Variants in SEPSECS observed in about 807,000 individuals in gnomAD.
The protein encoded by SEPSECS is Sep (O-phosphoserine) tRNA:Sec (selenocysteine) tRNA synthase.
Under a neutral mutation model 52.1 loss-of-function variants are expected in SEPSECS, and 42 were observed. The ratio of observed to expected loss-of-function variants is 0.81; its 90% CI spans 0.63 to 1.04. The LOEUF is 1.04. Among genes scored for constraint, SEPSECS ranks in the 50% least tolerant of loss-of-function variants. SEPSECS has a pLI of 0.00. For missense variants in SEPSECS, 590 were observed against 610.6 expected, an observed-to-expected ratio of 0.97 and a Z score of 0.36; for synonymous variants, 216 against 211.4, an observed-to-expected ratio of 1.02 and a Z score of -0.19.
At position 25,132,873 on chromosome 4, in the gene SEPSECS, G is replaced by A. The variant is rs765912671; in HGVS notation, c.1027-5516C>T. ...AGCAGTGACAAGAAAGTGGTAAGAC[G>A]GAAAGCGCACAGACTTTAGCATCAC... On this transcript the variant is annotated intron_variant, in intron 8 of 10. Coordinates refer to ENST00000382103, the MANE Select transcript of SEPSECS (RefSeq NM_016955.4). Among the ~76,000 whole-genome samples, 45 of 152,106 alleles carry A rather than the reference G, an allele frequency of 3.0e-4. 1 individual carries two copies. Among genetic ancestry groups the A allele is most frequent in the Non-Finnish European group, 4.6e-4 (31 of 68,012 alleles).
intron 5 of SEPSECS, 73 bp downstream of exon 5, chr4:25,154,925 A>C: frequency 7.1e-7 from 1 of 1,415,610 alleles, no homozygotes. Context: ...TTATTTAAGC[A>C]TATTTGAGAA....
Position 25,159,126 on chromosome 4 carries a change from CTT to C in SEPSECS, c.115-21_115-20del, listed in dbSNP as rs958422181. ...ACTTGCCCTTAAAAAAAAAAAAAAA[CTT>C]ATGATTATATTTAATAAAACTACCG... On this transcript the variant is annotated intron_variant, in intron 1 of 10. Coordinates refer to ENST00000382103, the MANE Select transcript of SEPSECS (RefSeq NM_016955.4). 2.6e-6 allele frequency: 3 copies of C among 1,167,568 alleles called. No homozygotes were observed. The highest frequency in any genetic ancestry group is 1.6e-5 in the African/African-American group (1 of 60,724). The allele number at this position is 1,167,568 out of a possible 1,614,324, so 72.3% of individuals were successfully genotyped here.
chr4:25,143,146 G>A (rs1288271667), intron 8 of SEPSECS, among the ~76,000 whole-genome samples: 2 of 152,178 alleles, frequency 1.3e-5, no homozygotes, highest in African/African-American at 4.8e-5. Context: ...ACAATTTGGA[G>A]TTTATAAAAC....
At chr4:25,124,375 A>G (rs1160530125) in intron 10 of SEPSECS, 150 bp from the exon 11 acceptor site, 1 of 702,086 alleles carries the variant, frequency 1.4e-6, no homozygotes, top group African/African-American at 1.8e-5. Flanking sequence ...AATAGACTGT[A>G]TCGACTTTAA....
rs1421257558 is a variant in SEPSECS at position 25,124,175 on chromosome 4, C to T, written c.1262G>A (p.Gly421Asp). 6.2e-7 allele frequency: 1 copy of T among 1,613,586 alleles called. No homozygotes were observed. Among genetic ancestry groups the T allele is most frequent in the African/African-American group, 1.3e-5 (1 of 74,986 alleles). The change falls in exon 11 of 11, where the codon GGC (glycine) becomes GAC (aspartate). Residue 421 changes from glycine to aspartate, a missense_variant. Gly to Asp is a moderately conservative substitution (Grantham distance 94, BLOSUM62 -1). Coordinates refer to ENST00000382103, the MANE Select transcript of SEPSECS (RefSeq NM_016955.4). The part of the protein sequence containing the change: ...MQTVSGYTFR[G>D]FMSHTNNYPC... ...GTAATTATTTGTATGTGACATAAAGCCTCTGAAAGTATAGCCACTCACAGT... is the reference window on the plus strand; with the variant it reads ...GTAATTATTTGTATGTGACATAAAGTCTCTGAAAGTATAGCCACTCACAGT...
chr4:25,153,430 G>C (rs1287754837), intron 5 of SEPSECS, among the ~76,000 whole-genome samples: 2 of 150,704 alleles, frequency 1.3e-5, no homozygotes, highest in Non-Finnish European at 3.0e-5. Context: ...TAATGGTTAG[G>C]GTGTGTTAAA....
chr4:25,124,241 T>C lies in SEPSECS; in HGVS notation c.1212-16A>G. On this transcript the variant is annotated splice_polypyrimidine_tract_variant and intron_variant, in intron 10 of 10. Coordinates refer to ENST00000382103, the MANE Select transcript of SEPSECS (RefSeq NM_016955.4). ...AGGCACAACCCTGAAAGAAGAAAGA[T>C]TTACCAATTTAATATGTCTGGTAAT... 6.2e-7 allele frequency: 1 copy of C among 1,610,670 alleles called. No individual in the cohort carries two copies. The highest frequency in any genetic ancestry group is 8.5e-7 in the Non-Finnish European group (1 of 1,178,282).
Position 25,130,078 on chromosome 4 carries a change from G to A in SEPSECS, c.1027-2721C>T, listed in dbSNP as rs1022848613. ...TACAGAGCCCTACCTCCTACAAACC[G>A]CCTAACAACAACATAACCCACATCC... On this transcript the variant is annotated intron_variant, in intron 8 of 10. Coordinates refer to ENST00000382103, the MANE Select transcript of SEPSECS (RefSeq NM_016955.4). Among the ~76,000 whole-genome samples, 21 of 152,150 alleles carry A rather than the reference G, an allele frequency of 1.4e-4. 1 individual carries two copies. Among genetic ancestry groups the A allele is most frequent in the Middle Eastern group, 3.4e-3 (1 of 294 alleles).
chr4:25,134,228 T>C (rs1429524451), intron 8 of SEPSECS, among the ~76,000 whole-genome samples: 1 of 147,352 alleles, frequency 6.8e-6, no homozygotes, highest in Non-Finnish European at 1.5e-5. Flanking sequence ...CCTATAGTCT[T>C]AGCTACTTGG....
intron 9 of SEPSECS, among the ~76,000 whole-genome samples, 176 bp downstream of exon 9, chr4:25,127,088 T>A (rs1407263092): frequency 1.3e-5 from 2 of 152,242 alleles, no homozygotes; most frequent in African/African-American, 4.8e-5. Flanking sequence ...ATCTTAGAAA[T>A]ACATTAGAGC....
intron 2 of SEPSECS, 107 bp from the exon 3 acceptor site, chr4:25,157,081 T>A: frequency 1.3e-6 from 1 of 756,676 alleles, no homozygotes; most frequent in Non-Finnish European, 2.4e-6. Flanking sequence ...GGAGCAATAT[T>A]TGGCTGTTAC....
In SEPSECS at chr4:25,130,537, A is replaced by T. The variant is rs563257993; in HGVS notation, c.1027-3180T>A. On this transcript the variant is annotated intron_variant, in intron 8 of 10. Transcript: ENST00000382103. ...CACTAAAGTAATTAAATCTCGTATC[A>T]CTAGTACGGGAGTAATTAGATTTAA... 3.3e-5 allele frequency among the ~76,000 whole-genome samples: 5 copies of T among 152,350 alleles called. No individual in the cohort carries two copies. The East Asian group carries it at 9.6e-4, about 29-fold the overall frequency.
At chr4:25,131,072 T>C (rs900198426) in intron 8 of SEPSECS, among the ~76,000 whole-genome samples, 2 of 152,240 alleles carry the variant, frequency 1.3e-5, no homozygotes, top group African/African-American at 2.4e-5. Context: ...GCTATATTTC[T>C]AGAATAAAAA....
At position 25,151,846 on chromosome 4, in the gene SEPSECS, C is replaced by A; in HGVS notation, c.804+114G>T. The A allele has an allele frequency of 4.3e-6, 3 of 699,936 alleles. No individual in the cohort carries two copies. In the South Asian group the frequency reaches 4.6e-5, roughly 11 times the overall value. 43.4% of individuals were successfully genotyped at this position (699,936 alleles called of 1,614,324 possible). On this transcript the variant is annotated intron_variant, in intron 6 of 10. Transcript: ENST00000382103. ...TGTAAGTTCCTAACACAACCTGAAG[C>A]AGATGGTCATAAATAACTGTTTTAC...
intron 8 of SEPSECS, among the ~76,000 whole-genome samples, chr4:25,144,386 T>C (rs536836834): frequency 6.6e-6 from 1 of 151,222 alleles, no homozygotes; most frequent in Admixed American, 6.6e-5. Context: ...CTCTTGTGAC[T>C]GACATCTCAC....
rs575049079 is a variant in SEPSECS at position 25,124,095 on chromosome 4, C to T, written c.1342G>A (p.Asp448Asn). The T allele has an allele frequency of 6.2e-7, 1 of 1,613,808 alleles. No individual in the cohort carries two copies. The highest frequency in any genetic ancestry group is 1.1e-5 in the South Asian group (1 of 91,070). Reference protein sequence around the residue: ...SAIGMKMQDVDLFIKRLDRCL... With the variant: ...SAIGMKMQDVNLFIKRLDRCL... ...CTGTCAAGTCTCTTTATGAACAGGTCCACATCCTGCATCTTCATTCCGATG... is the reference window on the plus strand; with the variant it reads ...CTGTCAAGTCTCTTTATGAACAGGTTCACATCCTGCATCTTCATTCCGATG... The change falls in exon 11 of 11, where the codon GAC becomes AAC. Residue 448 changes from aspartate (D) to asparagine (N), a missense_variant. Transcript: ENST00000382103.
intron 8 of SEPSECS, among the ~76,000 whole-genome samples, chr4:25,140,788 G>A (rs1371437625): frequency 6.6e-6 from 1 of 151,930 alleles, no homozygotes; most frequent in East Asian, 1.9e-4. Flanking sequence ...AAATCTTAAT[G>A]CTCACCCTAC....
At chr4:25,130,661 AT>A (rs1728572357) in intron 8 of SEPSECS, among the ~76,000 whole-genome samples, 1 of 152,216 alleles carries the variant, frequency 6.6e-6, no homozygotes, top group African/African-American at 2.4e-5. Context: ...TATGTTTTAA[AT>A]ATCTTAAAGC....
chr4:25,156,780 A>G, intron 3 of SEPSECS, 76 bp downstream of exon 3: 2 of 779,184 alleles, frequency 2.6e-6, no homozygotes, highest in Non-Finnish European at 4.7e-6. Flanking sequence ...GAAAGGGGCA[A>G]TAATAAATGA....
Sources: gnomAD v4.1 joint callset for allele counts (sites outside exome capture counted in the v4.1 genomes callset) on GRCh38, gnomAD v4.1.1 for gene constraint, MANE v1.5 for transcripts, NCBI Gene and HGNC (gene_info 2026-07-23, HGNC 2026-07-21) for gene names.